Variants in ARFGEF1 observed in about 807,000 individuals in gnomAD.
ARFGEF1 encodes brefeldin A-inhibited guanine nucleotide-exchange protein 1.
A neutral mutation model predicts 231.0 loss-of-function variants in ARFGEF1; 42 were observed. The ratio of observed to expected loss-of-function variants is 0.18; its 90% CI spans 0.14 to 0.24. The LOEUF (loss-of-function observed/expected upper bound fraction) is 0.24, where lower values mean the gene tolerates loss of function less well. Ranked by LOEUF, ARFGEF1 falls within the 10% of genes least tolerant of loss-of-function variation. The pLI is 1.00. For synonymous variants in ARFGEF1, 710 were observed against 732.3 expected (o/e 0.97, Z 0.49); for missense variants, 1,345 against 2,192.0 (o/e 0.61, Z 7.72).
chr8:67,217,140 A>C (rs1297565780), intron 32 of ARFGEF1, among the ~76,000 whole-genome samples: 1 of 152,054 alleles, frequency 6.6e-6, no homozygotes, highest in African/African-American at 2.4e-5. Context: ...CCCCATCTCA[A>C]CTAAAAATAC....
chr8:67,268,407 A>G (rs188289163), intron 10 of ARFGEF1, among the ~76,000 whole-genome samples: 15 of 152,340 alleles, frequency 9.8e-5, no homozygotes, highest in Admixed American at 2.0e-4. Flanking sequence ...AAACTGCATC[A>G]AAGTACCCCA....
intron 5 of ARFGEF1, among the ~76,000 whole-genome samples, chr8:67,191,529 A>G (rs1465630923): frequency 6.6e-6 from 1 of 152,228 alleles, no homozygotes; most frequent in African/African-American, 2.4e-5. Context: ...ATGAGATCAT[A>G]CACTGTATGA....
chr8:67,228,031 A>G lies in ARFGEF1; in HGVS notation c.3523T>C (p.Tyr1175His). 1 of 1,604,706 alleles carries G rather than the reference A, an allele frequency of 6.2e-7. No individual in the cohort carries two copies. Among genetic ancestry groups the G allele is most frequent in the Non-Finnish European group, 8.5e-7 (1 of 1,177,602 alleles). Residue 1175 changes from tyrosine (Y) to histidine (H), a missense_variant, in exon 25 of 39, where the codon TAC becomes CAC. This residue lies in a region of ARFGEF1 where 146 missense variants were observed against 321.4 expected (regional missense o/e 0.45). Transcript: ENST00000262215. The stretch of plus-strand genomic sequence containing the variant: ...TGTAATCTTATTCTTCCCATGTTGT[A>G]ATATGATATTTCTACTATTTTTTGT... ...SLQKIVEISYYNMGRIRLQWS... is the reference protein window; with the variant it reads ...SLQKIVEISYHNMGRIRLQWS...
At chr8:67,204,054 A>G (rs1315399843) in intron 35 of ARFGEF1, among the ~76,000 whole-genome samples, 2 of 152,150 alleles carry the variant, frequency 1.3e-5, no homozygotes, top group East Asian at 1.9e-4. Context: ...ACACGCTGCC[A>G]TATCACCAAT....
intron 1 of ARFGEF1, among the ~76,000 whole-genome samples, chr8:67,322,822 T>C (rs1172070543): frequency 6.6e-6 from 1 of 152,230 alleles, no homozygotes; most frequent in African/African-American, 2.4e-5. Context: ...ACTACTTACC[T>C]TAGCATATTG....
chr8:67,230,303 GA>G (rs1158924613), intron 23 of ARFGEF1, among the ~76,000 whole-genome samples: 1 of 152,014 alleles, frequency 6.6e-6, no homozygotes, highest in Non-Finnish European at 1.5e-5. Flanking sequence ...CCTTGTTTGT[GA>G]ATATTAAAAA....
chr8:67,201,652 T>G (rs373587166), intron 36 of ARFGEF1, 47 bp from the exon 37 acceptor site: 3 of 1,610,488 alleles, frequency 1.9e-6, no homozygotes, highest in Non-Finnish European at 2.5e-6. Flanking sequence ...AGGCATCTTA[T>G]GTAAAGGTGA....
At chr8:67,322,797 C>A (rs1587317503) in intron 1 of ARFGEF1, among the ~76,000 whole-genome samples, 1 of 152,176 alleles carries the variant, frequency 6.6e-6, no homozygotes, top group African/African-American at 2.4e-5. Context: ...ATAGCTTCCT[C>A]CAGTTATTAC....
intron 5 of ARFGEF1, among the ~76,000 whole-genome samples, chr8:67,295,156 A>G (rs1014398707): frequency 2.0e-5 from 3 of 152,216 alleles, no homozygotes; most frequent in African/African-American, 7.2e-5. Context: ...ATTAATAAAT[A>G]CAGAAGAGAG....
intron 20 of ARFGEF1, 103 bp from the exon 21 acceptor site, chr8:67,238,996 T>A: frequency 1.0e-6 from 1 of 954,216 alleles, no homozygotes; most frequent in Non-Finnish European, 1.4e-6. Context: ...ATTTTGTTTT[T>A]TTTTTTTTTA....
chr8:67,198,621 GT>G lies in ARFGEF1; in HGVS notation c.*312del. Reference sequence around the variant, plus strand: ...AATCTTTACATCTATAGTTCTTTGGGTAAGTTTCACTTCCACACCTGCCAAA... The same window carrying G: ...AATCTTTACATCTATAGTTCTTTGGGAAGTTTCACTTCCACACCTGCCAAA... On this transcript the variant is annotated 3_prime_UTR_variant, in exon 39 of 39. Transcript: ENST00000262215. 1 of 1,081,218 alleles carries G rather than the reference GT, an allele frequency of 9.2e-7. No individual in the cohort carries two copies. Among genetic ancestry groups the G allele is most frequent in the Non-Finnish European group, 1.1e-6 (1 of 891,836 alleles). 67.0% of individuals were successfully genotyped at this position (1,081,218 alleles called of 1,614,324 possible).
intron 14 of ARFGEF1, among the ~76,000 whole-genome samples, chr8:67,264,614 A>G (rs2128892889): frequency 6.6e-6 from 1 of 152,252 alleles, no homozygotes; most frequent in Non-Finnish European, 1.5e-5. Flanking sequence ...GGCATAGTCA[A>G]AAAGGTAGGA....
intron 1 of ARFGEF1, among the ~76,000 whole-genome samples, chr8:67,329,167 C>T (rs1205270924): frequency 6.6e-6 from 1 of 151,528 alleles, no homozygotes; most frequent in Non-Finnish European, 1.5e-5. Context: ...CGGAGATGGC[C>T]GTGAGCCGAC....
At chr8:67,255,159 C>T (rs1008972453) in intron 17 of ARFGEF1, among the ~76,000 whole-genome samples, 7 of 152,154 alleles carry the variant, frequency 4.6e-5, no homozygotes, top group Non-Finnish European at 8.8e-5. Flanking sequence ...CATACGTGGG[C>T]GTACAGAATA....
intron 23 of ARFGEF1, among the ~76,000 whole-genome samples, chr8:67,228,803 A>G (rs1452401714): frequency 6.6e-6 from 1 of 152,102 alleles, no homozygotes; most frequent in Non-Finnish European, 1.5e-5. Context: ...TTTGGAGTTA[A>G]GCTAACACTG....
intron 1 of ARFGEF1, among the ~76,000 whole-genome samples, chr8:67,339,124 A>G (rs1273838722): frequency 3.3e-5 from 5 of 152,214 alleles, no homozygotes; most frequent in African/African-American, 1.2e-4. Flanking sequence ...ATAGACTCTT[A>G]TATAAGAAAA....
intron 35 of ARFGEF1, 93 bp downstream of exon 35, chr8:67,204,587 C>T: frequency 1.4e-6 from 2 of 1,414,040 alleles, no homozygotes; most frequent in South Asian, 1.5e-5. Context: ...GAAGGCCCCA[C>T]AAACTAATTC....
At chr8:67,263,848 CTT>C (rs1804739876) in intron 14 of ARFGEF1, among the ~76,000 whole-genome samples, 1 of 152,086 alleles carries the variant, frequency 6.6e-6, no homozygotes, top group African/African-American at 2.4e-5. Flanking sequence ...AAGTAACTAA[CTT>C]AGATGGTCAT....
downstream of ARFGEF1, chr8:67,193,469 C>T (rs1301523790): frequency 6.2e-7 from 1 of 1,612,426 alleles, no homozygotes; most frequent in South Asian, 1.1e-5. Flanking sequence ...TACAGGATAG[C>T]AGTCGTCCTA....
Sources: allele counts gnomAD v4.1 joint callset (sites outside exome capture counted in the v4.1 genomes callset), GRCh38; gene constraint gnomAD v4.1.1; regional missense constraint gnomAD v4.1.1; transcripts MANE v1.5; gene names NCBI Gene and HGNC (gene_info 2026-07-23, HGNC 2026-07-21).